IMPA1: variants seen among roughly 807,000 people sequenced by gnomAD.
The protein encoded by IMPA1 is inositol monophosphatase 1, also known as D-galactose 1-phosphate phosphatase.
IMPA1 carries 21 observed loss-of-function variants against 34.9 expected under a neutral mutation model. That is an observed-to-expected ratio of 0.60 (90% CI 0.43 to 0.87). The LOEUF (loss-of-function observed/expected upper bound fraction) is 0.87. Ranked by LOEUF, IMPA1 falls within the 40% of genes least tolerant of loss-of-function variation. The pLI is 0.00. For missense variants in IMPA1, 299 were observed against 336.4 expected (o/e 0.89, Z 0.87); for synonymous variants, 95 against 104.4 (o/e 0.91, Z 0.55).
intron 7 of IMPA1, among the ~76,000 whole-genome samples, chr8:81,667,246 G>A (rs904995612): frequency 6.6e-6 from 1 of 152,046 alleles, no homozygotes; most frequent in African/African-American, 2.4e-5. Flanking sequence ...ACAGAACAGG[G>A]CACAAGGAAA....
chr8:81,685,944 A>C (rs1248565504), intron 1 of IMPA1: 1 of 1,524,572 alleles, frequency 6.6e-7, no homozygotes, highest in East Asian at 2.6e-5. Flanking sequence ...GGGCCTGGGG[A>C]TGCACCAAGT....
chr8:81,683,226 C>T (rs931957175), intron 1 of IMPA1, among the ~76,000 whole-genome samples: 2 of 152,144 alleles, frequency 1.3e-5, no homozygotes, highest in African/African-American at 4.8e-5. Flanking sequence ...TAGTGGGGAT[C>T]ATCCTCTACA....
rs769731217 is a variant in IMPA1, at chr8:81,681,552, A to G, written c.9T>C (p.Asp3=). The G allele has an allele frequency of 1.9e-6, 3 of 1,607,254 alleles. No homozygotes were observed. The highest frequency in any genetic ancestry group is 2.7e-5 in the African/African-American group (2 of 74,800). The change falls in exon 2 of 9, where the codon GAT becomes GAC. Residue 3 remains aspartate, a synonymous_variant. Transcript: ENST00000256108. ...CATAATCCATGCATTCCTGCCAAGG[A>G]TCAGCCATCTTCTGAAAATATTTGA... MA[D]PWQECMDYAV...
chr8:81,684,251 T>C (rs907015756), intron 1 of IMPA1, among the ~76,000 whole-genome samples: 2 of 144,142 alleles, frequency 1.4e-5, no homozygotes, highest in Non-Finnish European at 3.0e-5. Context: ...TAAGTATATT[T>C]AGATACTATA....
At chr8:81,683,074 A>C (rs1161425465) in intron 1 of IMPA1, among the ~76,000 whole-genome samples, 2 of 152,246 alleles carry the variant, frequency 1.3e-5, no homozygotes, top group Admixed American at 6.5e-5. Flanking sequence ...GTTTCCCTGA[A>C]GACAAGATTA....
intron 1 of IMPA1, among the ~76,000 whole-genome samples, chr8:81,683,915 C>T (rs1212192746): frequency 6.6e-6 from 1 of 152,130 alleles, no homozygotes; most frequent in Non-Finnish European, 1.5e-5. Context: ...CTTGGCCTCT[C>T]TGTCCAGCAT....
At chr8:81,669,675 T>C (rs918419280) in intron 7 of IMPA1, among the ~76,000 whole-genome samples, 2 of 152,160 alleles carry the variant, frequency 1.3e-5, no homozygotes, top group African/African-American at 4.8e-5. Context: ...AAGTTCATGA[T>C]AGAACAAGTG....
rs1484542170 is a variant in IMPA1, at chr8:81,657,904, C to T, written c.*1447G>A. ...CAGACCCTGGGCAACAGAGCGAGAC[C>T]CTGAATCTAAAAATAATAATAATGA... On this transcript the variant is annotated 3_prime_UTR_variant, in exon 9 of 9. Transcript: ENST00000256108. The T allele has an allele frequency of 6.6e-6, 1 of 150,618 alleles. No homozygotes were observed. Among genetic ancestry groups the T allele is most frequent in the East Asian group, 1.9e-4 (1 of 5,136 alleles). 9.3% of individuals were successfully genotyped at this position (150,618 alleles called of 1,614,324 possible). A position where few individuals can be genotyped will look rare whatever the true frequency, so the allele number is the denominator to read the frequency against.
At chr8:81,679,736 C>T (rs778494672) in intron 3 of IMPA1, among the ~76,000 whole-genome samples, 7 of 152,000 alleles carry the variant, frequency 4.6e-5, no homozygotes, top group African/African-American at 7.2e-5. Context: ...ATGAATAAAG[C>T]GATGTGAAAA....
chr8:81,678,458 G>T (rs1176295337), intron 4 of IMPA1: 2 of 152,472 alleles, frequency 1.3e-5, no homozygotes, highest in Non-Finnish European at 2.9e-5. Flanking sequence ...TTGGGAGGCT[G>T]AGGCAGGAGG....
chr8:81,667,204 T>C (rs1806855113), intron 7 of IMPA1, among the ~76,000 whole-genome samples: 1 of 152,150 alleles, frequency 6.6e-6, no homozygotes, highest in African/African-American at 2.4e-5. Flanking sequence ...TATACTATTT[T>C]TCAGTGCATA....
chr8:81,670,018 C>T (rs533354459), intron 7 of IMPA1, among the ~76,000 whole-genome samples: 1 of 152,330 alleles, frequency 6.6e-6, no homozygotes, highest in East Asian at 1.9e-4. Context: ...ACAAAGAATC[C>T]AGCAAGAAGG....
At position 81,656,971 on chromosome 8, in the gene IMPA1, T is replaced by C. The variant is rs1806536026; in HGVS notation, c.*2380A>G. ...AAGTACATATATTTATGTATATTTA[T>C]GTATGTATCTGTGTATGTATCCACA... On this transcript the variant is annotated 3_prime_UTR_variant, in exon 9 of 9. Coordinates refer to ENST00000256108, the MANE Select transcript of IMPA1 (RefSeq NM_005536.4). Among the ~76,000 whole-genome samples, 1 of 152,238 alleles carries C rather than the reference T, an allele frequency of 6.6e-6. No individual in the cohort carries two copies. The highest frequency in any genetic ancestry group is 1.5e-5 in the Non-Finnish European group (1 of 68,032).
chr8:81,665,872 C>T (rs774651468), intron 7 of IMPA1, among the ~76,000 whole-genome samples: 24 of 152,334 alleles, frequency 1.6e-4, no homozygotes, highest in Non-Finnish European at 2.9e-4. Flanking sequence ...TCCTTCAAGT[C>T]TCAAGGCCAC....
chr8:81,668,061 G>A (rs562432502), intron 7 of IMPA1, among the ~76,000 whole-genome samples: 9 of 152,204 alleles, frequency 5.9e-5, no homozygotes, highest in Middle Eastern at 3.4e-3. Context: ...CTGACCTCGT[G>A]ATCCACCTGC....
At chr8:81,680,436 TC>T (rs1807264724) in intron 3 of IMPA1, among the ~76,000 whole-genome samples, 1 of 152,088 alleles carries the variant, frequency 6.6e-6, no homozygotes, top group Admixed American at 6.5e-5. Context: ...AGCAGACAAC[TC>T]CCCCAGGAAC....
rs1465347465 is a variant in IMPA1, at chr8:81,659,484, T to A, written c.719-18A>T. 1 of 1,364,600 alleles carries A rather than the reference T, an allele frequency of 7.3e-7. No homozygotes were observed. The highest frequency in any genetic ancestry group is 1.0e-6 in the Non-Finnish European group (1 of 957,488). 84.5% of individuals were successfully genotyped at this position (1,364,600 alleles called of 1,614,324 possible). A position where few individuals can be genotyped will look rare whatever the true frequency, so the allele number is the denominator to read the frequency against. ...TGGTCCACCTAAAAGCAAACAAGTA[T>A]GAAAAATAATTTTATCTGGTACAAA... On this transcript the variant is annotated intron_variant, in intron 8 of 8. Coordinates refer to ENST00000256108, the MANE Select transcript of IMPA1 (RefSeq NM_005536.4).
At chr8:81,681,245 G>A (rs1037616480) in intron 2 of IMPA1, among the ~76,000 whole-genome samples, 4 of 152,084 alleles carry the variant, frequency 2.6e-5, no homozygotes, top group African/African-American at 9.7e-5. Context: ...ATGAAAAGTA[G>A]CTGGACATGG....
In IMPA1 at chr8:81,658,643, G is replaced by A. The variant is rs1806582666; in HGVS notation, c.*708C>T. The A allele has an allele frequency of 6.6e-6, 1 of 152,568 alleles. No homozygotes were observed. The highest frequency in any genetic ancestry group is 2.1e-4 in the South Asian group (1 of 4,832). The allele number at this position is 152,568 out of a possible 1,614,324, so 9.5% of individuals were successfully genotyped here. A position where few individuals can be genotyped will look rare whatever the true frequency, so the allele number is the denominator to read the frequency against. Reference sequence around the variant, plus strand: ...TGCAGAAATGCCCACAATAAGCCATGCTATCTGATGGTATGGTAATGTGAA... The same window carrying A: ...TGCAGAAATGCCCACAATAAGCCATACTATCTGATGGTATGGTAATGTGAA... On this transcript the variant is annotated 3_prime_UTR_variant, in exon 9 of 9. Coordinates refer to ENST00000256108, the MANE Select transcript of IMPA1 (RefSeq NM_005536.4).
Sources: gnomAD v4.1 joint callset for allele counts (sites outside exome capture counted in the v4.1 genomes callset) on GRCh38, gnomAD v4.1.1 for gene constraint, MANE v1.5 for transcripts, NCBI Gene and HGNC (gene_info 2026-07-23, HGNC 2026-07-21) for gene names.